Variants in GHRHR observed in about 807,000 individuals in gnomAD.
GHRHR encodes the protein growth hormone-releasing hormone receptor.
Under a neutral mutation model 58.3 loss-of-function variants are expected in GHRHR, and 40 were observed. The ratio of observed to expected loss-of-function variants is 0.69; its 90% CI spans 0.53 to 0.89. GHRHR has a LOEUF of 0.89. GHRHR is among the 40% of genes least tolerant of loss of function. The pLI, the probability that GHRHR is intolerant of heterozygous loss-of-function variation, is 0.00. For synonymous variants in GHRHR, 249 were observed against 216.6 expected (o/e 1.15, Z -1.31); for missense variants, 551 against 541.3 (o/e 1.02, Z -0.18).
intron 4 of GHRHR, 147 bp downstream of exon 4, chr7:30,970,111 A>C: frequency 1.4e-6 from 1 of 711,450 alleles, no homozygotes; most frequent in South Asian, 1.5e-5. Context: ...AAGTGTCTGG[A>C]GGAGATGGGG....
chr7:30,972,242 T>C, intron 6 of GHRHR, 147 bp downstream of exon 6: 1 of 783,584 alleles, frequency 1.3e-6, no homozygotes, highest in East Asian at 2.7e-5. Context: ...AAAATGCTCC[T>C]TTCCCATGTC....
chr7:30,966,408 T>TG (rs1414995197), intron 1 of GHRHR, among the ~76,000 whole-genome samples: 2 of 44,536 alleles, frequency 4.5e-5, no homozygotes, highest in Non-Finnish European at 9.2e-5. Flanking sequence ...GGGGTGGGGG[T>TG]GGGGGCCATG....
chr7:30,979,096 C>T lies in GHRHR; in HGVS notation c.1147-23C>T, dbSNP rs112131368. ...CAAAGCCACAGGGGGACCTTCCTAA[C>T]GTCCTCTTCCTTGTCCCTGGAGGTG... On this transcript the variant is annotated intron_variant, in intron 12 of 12. Coordinates refer to ENST00000326139, the MANE Select transcript of GHRHR (RefSeq NM_000823.4). The T allele has an allele frequency of 5.6e-5, 90 of 1,611,380 alleles. 1 individual carries two copies. The highest frequency in any genetic ancestry group is 2.8e-4 in the African/African-American group (21 of 74,984).
intron 3 of GHRHR, 47 bp from the exon 4 acceptor site, chr7:30,969,820 G>T (rs1448114416): frequency 1.9e-6 from 3 of 1,595,116 alleles, no homozygotes; most frequent in Admixed American, 1.7e-5. Context: ...GCCCCCTCCT[G>T]GGGAGAGGGA....
intron 1 of GHRHR, among the ~76,000 whole-genome samples, chr7:30,966,052 T>C (rs1436799082): frequency 6.6e-6 from 1 of 152,126 alleles, no homozygotes; most frequent in African/African-American, 2.4e-5. Context: ...AGGCAGGAGA[T>C]GGCAGAGCTG....
chr7:30,979,112 C>G lies in GHRHR; in HGVS notation c.1147-7C>G. ...CCTTCCTAACGTCCTCTTCCTTGTCCCTGGAGGTGAGGACTGAGATCTCAC... is the reference window on the plus strand; with the variant it reads ...CCTTCCTAACGTCCTCTTCCTTGTCGCTGGAGGTGAGGACTGAGATCTCAC... On this transcript the variant is annotated splice_polypyrimidine_tract_variant and splice_region_variant and intron_variant, in intron 12 of 12. Coordinates refer to ENST00000326139, the MANE Select transcript of GHRHR (RefSeq NM_000823.4). 1.9e-6 allele frequency: 3 copies of G among 1,613,430 alleles called. No homozygotes were observed. In the African/African-American group the frequency reaches 4.0e-5, roughly 22 times the overall value.
At chr7:30,978,115 G>A (rs1792623202) in intron 12 of GHRHR, among the ~76,000 whole-genome samples, 2 of 152,212 alleles carry the variant, frequency 1.3e-5, no homozygotes, top group Admixed American at 1.3e-4. Context: ...GTGAGAGTTG[G>A]CTGCAGATGC....
At chr7:30,972,170 G>T in intron 6 of GHRHR, 75 bp downstream of exon 6, 1 of 1,539,552 alleles carries the variant, frequency 6.5e-7, no homozygotes, top group Non-Finnish European at 8.9e-7. Flanking sequence ...ATGTGCCTGC[G>T]TCAGGCTTCC....
intron 1 of GHRHR, among the ~76,000 whole-genome samples, chr7:30,966,790 G>C (rs535009037): frequency 6.6e-6 from 1 of 152,084 alleles, no homozygotes; most frequent in Non-Finnish European, 1.5e-5. Context: ...TTACAGGAGC[G>C]TGTCATCACA....
Position 30,979,474 on chromosome 7 carries a change from T to TGG in GHRHR, c.*233_*234dup. ...GTCTGCTCTCATCCATTCCTCTTACTGGGGCCTGGGGCTCTAGCCCAAGGC... is the reference window on the plus strand; with the variant it reads ...GTCTGCTCTCATCCATTCCTCTTACTGGGGGGCCTGGGGCTCTAGCCCAAGGC... On this transcript the variant is annotated 3_prime_UTR_variant, in exon 13 of 13. Coordinates refer to ENST00000326139, the MANE Select transcript of GHRHR (RefSeq NM_000823.4). The TGG allele has an allele frequency of 2.0e-6, 1 of 500,396 alleles. No individual in the cohort carries two copies. The highest frequency in any genetic ancestry group is 2.0e-5 in the South Asian group (1 of 51,274). 31.0% of individuals were successfully genotyped at this position (500,396 alleles called of 1,614,324 possible). A position where few individuals can be genotyped will look rare whatever the true frequency, so the allele number is the denominator to read the frequency against.
rs1373726403 is a variant in GHRHR at position 30,979,322 on chromosome 7, G to A, written c.*78G>A. ...GGTCTGCCATGCTCTGGAGGAGCAA[G>A]GGGGCCACATCCCCACCCCAGCTGT... is the stretch of plus-strand genomic sequence containing the variant. On this transcript the variant is annotated 3_prime_UTR_variant, in exon 13 of 13. Transcript: ENST00000326139. 2 of 1,462,830 alleles carry A rather than the reference G, an allele frequency of 1.4e-6. No homozygotes were observed. The highest frequency in any genetic ancestry group is 2.3e-5 in the East Asian group (1 of 42,742). 90.6% of individuals were successfully genotyped at this position (1,462,830 alleles called of 1,614,324 possible).
Position 30,964,105 on chromosome 7 carries a change from G to A in GHRHR, c.37G>A (p.Val13Met), listed in dbSNP as rs917355343. Reference sequence around the variant, plus strand: ...GATGTGGGGGGCCCACGTCTTCTGCGTGTTGAGCCCGTTACCGACCGTGAG... The same window carrying A: ...GATGTGGGGGGCCCACGTCTTCTGCATGTTGAGCCCGTTACCGACCGTGAG... ...RRMWGAHVFC[V>M]LSPLPTVLGH... Residue 13 changes from valine (V) to methionine (M), a missense_variant, in exon 1 of 13, where the codon GTG becomes ATG. Physicochemically the swap from Val to Met is conservative, Grantham distance 21 (BLOSUM62 1). Coordinates refer to ENST00000326139, the MANE Select transcript of GHRHR (RefSeq NM_000823.4). The A allele has an allele frequency of 1.4e-5, 21 of 1,549,788 alleles. No individual in the cohort carries two copies. The highest frequency in any genetic ancestry group is 1.2e-4 in the African/African-American group (9 of 73,062).
intron 11 of GHRHR, 39 bp downstream of exon 11, chr7:30,976,597 G>A (rs1190440008): frequency 6.3e-7 from 1 of 1,598,934 alleles, no homozygotes; most frequent in South Asian, 1.1e-5. Flanking sequence ...TCCATTGAGG[G>A]TGCTGGAGGG....
chr7:30,979,060 G>A lies in GHRHR; in HGVS notation c.1147-59G>A, dbSNP rs528114826. 164 of 1,546,830 alleles carry A rather than the reference G, an allele frequency of 1.1e-4. 1 individual carries two copies. In the Admixed American group the frequency reaches 2.7e-3, roughly 25 times the overall value. On this transcript the variant is annotated intron_variant, in intron 12 of 12. Transcript: ENST00000326139. ...CTCTCCCTGCACCTTAGTCTCATTGGGGTTGAGTAGCAAAGCCACAGGGGG... is the reference window on the plus strand; with the variant it reads ...CTCTCCCTGCACCTTAGTCTCATTGAGGTTGAGTAGCAAAGCCACAGGGGG...
chr7:30,978,098 G>T (rs951081174), intron 12 of GHRHR, among the ~76,000 whole-genome samples: 1 of 152,244 alleles, frequency 6.6e-6, no homozygotes, highest in Non-Finnish European at 1.5e-5. Context: ...CATGGGCTCT[G>T]CATTCTGTGA....
intron 1 of GHRHR, among the ~76,000 whole-genome samples, chr7:30,968,003 C>T (rs891245165): frequency 3.5e-4 from 53 of 152,166 alleles, no homozygotes; most frequent in African/African-American, 1.3e-3. Flanking sequence ...CATCTTCAGA[C>T]CAGCAGTGTG....
rs1792425242 is a variant in GHRHR at position 30,969,107 on chromosome 7, G to A, written c.205G>A (p.Gly69Ser). The A allele has an allele frequency of 3.2e-6, 5 of 1,580,812 alleles. No homozygotes were observed. The highest frequency in any genetic ancestry group is 4.3e-6 in the Non-Finnish European group (5 of 1,163,336). ...TGGGCTGCTGTGCTGGCCAACGGCAGGCTCTGGCGAGTGGGTCACCCTCCC... is the reference window on the plus strand; with the variant it reads ...TGGGCTGCTGTGCTGGCCAACGGCAAGCTCTGGCGAGTGGGTCACCCTCCC... ...WDGLLCWPTA[G>S]SGEWVTLPCP... Residue 69 changes from glycine to serine, a missense_variant, in exon 3 of 13, where the codon GGC becomes AGC. Gly to Ser is a moderately conservative substitution (Grantham distance 56). Coordinates refer to ENST00000326139, the MANE Select transcript of GHRHR (RefSeq NM_000823.4).
intron 11 of GHRHR, 127 bp from the exon 12 acceptor site, chr7:30,977,154 C>T (rs1792602296): frequency 2.3e-6 from 2 of 854,966 alleles, no homozygotes; most frequent in Non-Finnish European, 4.1e-6. Context: ...TTTAAATTCC[C>T]CTTTCAATCA....
intron 4 of GHRHR, among the ~76,000 whole-genome samples, chr7:30,970,359 G>A (rs1792458353): frequency 6.6e-6 from 1 of 152,174 alleles, no homozygotes; most frequent in Admixed American, 6.5e-5. Flanking sequence ...GTGGGCAAGT[G>A]AGGGAAACTC....
Sources: gnomAD v4.1 joint callset for allele counts (sites outside exome capture counted in the v4.1 genomes callset) on GRCh38, gnomAD v4.1.1 for gene constraint, MANE v1.5 for transcripts, NCBI Gene and HGNC (gene_info 2026-07-23, HGNC 2026-07-21) for gene names.